RERG: variants seen among roughly 807,000 people sequenced by gnomAD.
RERG encodes the protein RAS like estrogen regulated growth inhibitor, also known as ras-related and estrogen-regulated growth inhibitor.
Under a neutral mutation model 23.2 loss-of-function variants are expected in RERG, and 25 were observed. That is an observed-to-expected ratio of 1.08 (90% confidence interval 0.79 to 1.50). The LOEUF (loss-of-function observed/expected upper bound fraction) is 1.50. Ranked by LOEUF, RERG falls within the 40% of genes most tolerant of loss-of-function variation. RERG has a pLI of 0.00. For missense variants in RERG, 253 were observed against 250.1 expected, an observed-to-expected ratio of 1.01 and a Z score of -0.08; for synonymous variants, 81 against 89.1, an observed-to-expected ratio of 0.91 and a Z score of 0.51.
At chr12:15,210,571 T>G (rs1357060887) in intron 2 of RERG, among the ~76,000 whole-genome samples, 1 of 152,212 alleles carries the variant, frequency 6.6e-6, no homozygotes, top group Non-Finnish European at 1.5e-5. Context: ...CTTTCATTTT[T>G]TTTTCTAGAT....
At chr12:15,170,409 T>C (rs561173846) in intron 2 of RERG, among the ~76,000 whole-genome samples, 25 of 152,094 alleles carry the variant, frequency 1.6e-4, no homozygotes, top group Non-Finnish European at 3.2e-4. Context: ...AGTTTAGCCC[T>C]GAACCTAAAA....
intron 4 of RERG, 94 bp from the exon 5 acceptor site, chr12:15,109,611 C>A: frequency 1.1e-6 from 1 of 942,668 alleles, no homozygotes; most frequent in South Asian, 2.0e-5. Context: ...AATTACTATT[C>A]TTTATATCCA....
chr12:15,177,524 T>A (rs1025419850), intron 2 of RERG, among the ~76,000 whole-genome samples: 1 of 152,206 alleles, frequency 6.6e-6, no homozygotes, highest in South Asian at 2.1e-4. Flanking sequence ...ATTTATGATG[T>A]TCATCTGAAA....
At chr12:15,114,333 CATG>C (rs761577470) in intron 3 of RERG, among the ~76,000 whole-genome samples, 2 of 151,982 alleles carry the variant, frequency 1.3e-5, no homozygotes, top group Admixed American at 1.3e-4. Context: ...ATATTTGAAA[CATG>C]ATAAGCAAAA....
At chr12:15,176,234 T>C (rs1483911091) in intron 2 of RERG, among the ~76,000 whole-genome samples, 1 of 152,168 alleles carries the variant, frequency 6.6e-6, no homozygotes, top group Non-Finnish European at 1.5e-5. Flanking sequence ...TCATCTTTAT[T>C]TTCAACTGTT....
chr12:15,181,406 G>A (rs1864921001), intron 2 of RERG, among the ~76,000 whole-genome samples: 1 of 152,294 alleles, frequency 6.6e-6, no homozygotes, highest in South Asian at 2.1e-4. Flanking sequence ...CATCAAGATT[G>A]CTAATGGCTG....
intron 2 of RERG, among the ~76,000 whole-genome samples, chr12:15,155,995 TA>T (rs35176954): frequency 0.18 from 24,148 of 133,844 alleles, 2,088 homozygotes; most frequent in Admixed American, 0.24. Flanking sequence ...TAAAGTATAA[TA>T]AAAAAATATA....
At chr12:15,197,752 T>C (rs1250077565) in intron 2 of RERG, among the ~76,000 whole-genome samples, 1 of 152,156 alleles carries the variant, frequency 6.6e-6, no homozygotes, top group Non-Finnish European at 1.5e-5. Context: ...CCTTGCACTT[T>C]ATAAATTCCT....
intron 2 of RERG, among the ~76,000 whole-genome samples, chr12:15,187,246 T>C (rs1423362378): frequency 6.6e-6 from 1 of 152,126 alleles, no homozygotes; most frequent in Non-Finnish European, 1.5e-5. Context: ...TGCTGAATAC[T>C]AGTAAAACAC....
chr12:15,166,562 T>TTGGTGGTGGTGTTGGTGGTGGTGTTGG (rs1565526059), intron 2 of RERG, among the ~76,000 whole-genome samples: 5 of 149,376 alleles, frequency 3.3e-5, no homozygotes, highest in Admixed American at 6.7e-5. Flanking sequence ...GGTGGTGGTG[T>TTGGTGGTGGTGTTGGTGGTGGTGTTGG]TGGTGGTGGT....
chr12:15,173,747 T>C (rs1324857823), intron 2 of RERG, among the ~76,000 whole-genome samples: 1 of 151,820 alleles, frequency 6.6e-6, no homozygotes, highest in East Asian at 1.9e-4. Flanking sequence ...GTTAATAAAA[T>C]TGTTTTCTTA....
chr12:15,134,948 G>A (rs1565514186), intron 2 of RERG, among the ~76,000 whole-genome samples: 1 of 152,098 alleles, frequency 6.6e-6, no homozygotes, highest in Admixed American at 6.6e-5. Flanking sequence ...TGATATCCAC[G>A]ATACAATTTG....
chr12:15,128,007 C>G (rs1863977466), intron 2 of RERG, among the ~76,000 whole-genome samples: 1 of 152,130 alleles, frequency 6.6e-6, no homozygotes, highest in African/African-American at 2.4e-5. Context: ...TGATATGAAC[C>G]CAACTCTGTT....
At chr12:15,114,679 G>T (rs957736814) in intron 3 of RERG, 3 of 152,136 alleles carry the variant, frequency 2.0e-5, no homozygotes, top group Non-Finnish European at 2.9e-5. Context: ...TTCGGTGTGG[G>T]CGTACCTTAT....
chr12:15,205,063 T>G (rs562774665), intron 2 of RERG, among the ~76,000 whole-genome samples: 7 of 152,074 alleles, frequency 4.6e-5, no homozygotes, highest in African/African-American at 1.7e-4. Context: ...GAACTCTCTA[T>G]TATTTTTGCA....
intron 3 of RERG, among the ~76,000 whole-genome samples, chr12:15,115,096 G>A (rs931900627): frequency 6.6e-6 from 1 of 151,504 alleles, no homozygotes; most frequent in Non-Finnish European, 1.5e-5. Context: ...ATGATTAGAA[G>A]TGTATATATA....
intron 2 of RERG, among the ~76,000 whole-genome samples, chr12:15,143,477 T>C (rs567137847): frequency 3.9e-5 from 6 of 152,254 alleles, no homozygotes; most frequent in Admixed American, 2.0e-4. Flanking sequence ...CAACTGCTCA[T>C]AGATTTAAGC....
chr12:15,189,740 G>A (rs1182382754), intron 2 of RERG, among the ~76,000 whole-genome samples: 2 of 152,136 alleles, frequency 1.3e-5, no homozygotes, highest in African/African-American at 4.8e-5. Flanking sequence ...TTAGAAAGAA[G>A]TGTCTTCTGA....
At chr12:15,174,573 T>C (rs1270434800) in intron 2 of RERG, among the ~76,000 whole-genome samples, 1 of 151,894 alleles carries the variant, frequency 6.6e-6, no homozygotes, top group East Asian at 1.9e-4. Flanking sequence ...GCTTCTTTCT[T>C]TCCTCTATTC....
Sources: allele counts gnomAD v4.1 joint callset (sites outside exome capture counted in the v4.1 genomes callset), GRCh38; gene constraint gnomAD v4.1.1; transcripts MANE v1.5; gene names NCBI Gene and HGNC (gene_info 2026-07-23, HGNC 2026-07-21).